Variants in CREB3L2 observed in about 807,000 individuals in gnomAD.
The protein encoded by CREB3L2 is cAMP responsive element binding protein 3 like 2.
CREB3L2 carries 23 observed loss-of-function variants against 57.2 expected under a neutral mutation model. That is an observed-to-expected ratio of 0.40 (90% CI 0.29 to 0.57). The LOEUF is 0.57. Among genes scored for constraint, CREB3L2 ranks in the 20% least tolerant of loss-of-function variants. The pLI is 0.42. For synonymous variants in CREB3L2, 268 were observed against 265.1 expected (o/e 1.01, Z -0.11); for missense variants, 628 against 634.7 (o/e 0.99, Z 0.11).
At chr7:137,905,417 G>A (rs1799864723) in intron 6 of CREB3L2, among the ~76,000 whole-genome samples, 1 of 149,440 alleles carries the variant, frequency 6.7e-6, no homozygotes, top group Non-Finnish European at 1.5e-5. Flanking sequence ...AAAACTAGAT[G>A]GAAATTCTAA....
At chr7:137,941,841 T>C (rs1187114511) in intron 1 of CREB3L2, among the ~76,000 whole-genome samples, 1 of 152,248 alleles carries the variant, frequency 6.6e-6, no homozygotes, top group Admixed American at 6.5e-5. Flanking sequence ...TTGTATTACA[T>C]GCCTCGCTAA....
chr7:137,969,646 C>T (rs763875468), intron 1 of CREB3L2, among the ~76,000 whole-genome samples: 6 of 151,816 alleles, frequency 4.0e-5, no homozygotes, highest in South Asian at 2.1e-4. Context: ...CCACCGCGTC[C>T]GGCCTATGAT....
chr7:137,960,429 G>A (rs1801298592), intron 1 of CREB3L2, among the ~76,000 whole-genome samples: 1 of 152,140 alleles, frequency 6.6e-6, no homozygotes, highest in South Asian at 2.1e-4. Context: ...ACACAGGGGG[G>A]TGGGGAGAGA....
chr7:137,949,577 G>A (rs1801058253), intron 1 of CREB3L2, among the ~76,000 whole-genome samples: 1 of 152,050 alleles, frequency 6.6e-6, no homozygotes, highest in South Asian at 2.1e-4. Flanking sequence ...ACACCCCTTT[G>A]ACCTGGGTAT....
chr7:137,963,096 G>A (rs75529333), intron 1 of CREB3L2, among the ~76,000 whole-genome samples: 2,416 of 152,118 alleles, frequency 0.016, 63 homozygotes, highest in African/African-American at 0.055. Flanking sequence ...CCTCCTTCAC[G>A]TTCCTTCTGG....
rs191403055 is a variant in CREB3L2 at position 137,875,286 on chromosome 7, G to A, written c.*5190C>T. The A allele has an allele frequency of 1.3e-4, 28 of 219,274 alleles. No individual in the cohort carries two copies. In the East Asian group the frequency reaches 1.9e-3, roughly 15 times the overall value. 13.6% of individuals were successfully genotyped at this position (219,274 alleles called of 1,614,324 possible). ...TTGATTATAGCTCAGGGCCTGCTCA[G>A]CATTGTTTAAAAAGGGTCACTCACA... On this transcript the variant is annotated 3_prime_UTR_variant, in exon 12 of 12. Coordinates refer to ENST00000330387, the MANE Select transcript of CREB3L2 (RefSeq NM_194071.4).
chr7:137,995,519 G>C (rs1351942149), intron 1 of CREB3L2, among the ~76,000 whole-genome samples: 2 of 151,704 alleles, frequency 1.3e-5, no homozygotes, highest in African/African-American at 2.4e-5. Flanking sequence ...ATTTTTAGTA[G>C]AGACAGGGTT....
In CREB3L2 at chr7:137,999,379, TACAC is replaced by T. The variant is rs60762009; in HGVS notation, c.102+2221_102+2224del. Among the ~76,000 whole-genome samples, 1,218 of 142,414 alleles carry T rather than the reference TACAC, an allele frequency of 8.6e-3. 11 individuals carry two copies. Among genetic ancestry groups the T allele is most frequent in the South Asian group, 0.03 (128 of 4,232 alleles). The allele number at this position is 142,414 out of a possible 152,430, so 93.4% of individuals were successfully genotyped here. On this transcript the variant is annotated intron_variant, in intron 1 of 11. Transcript: ENST00000330387. ...ATAATGTTTATTGTTTATGTTCCCC[TACAC>T]ACACACACACACACACACACACACA...
rs879219562 is a variant in CREB3L2 at position 137,875,648 on chromosome 7, G to C, written c.*4828C>G. Reference sequence around the variant, plus strand: ...GCTGTAATTCCTGCCCAGAGAACTTGAAAGCTTACAGTGTGCTCACAGGAA... The same window carrying C: ...GCTGTAATTCCTGCCCAGAGAACTTCAAAGCTTACAGTGTGCTCACAGGAA... On this transcript the variant is annotated 3_prime_UTR_variant, in exon 12 of 12. Transcript: ENST00000330387. 1 of 224,638 alleles carries C rather than the reference G, an allele frequency of 4.5e-6. No homozygotes were observed. The highest frequency in any genetic ancestry group is 6.4e-5 in the East Asian group (1 of 15,518). The allele number at this position is 224,638 out of a possible 1,614,324, so 13.9% of individuals were successfully genotyped here.
rs1341056148 is a variant in CREB3L2, at chr7:137,935,740, A to C, written c.103-7374T>G. The C allele has an allele frequency of 5.2e-5, 8 of 152,430 alleles. No homozygotes were observed. In the East Asian group the frequency reaches 1.5e-3, roughly 29 times the overall value. 9.4% of individuals were successfully genotyped at this position (152,430 alleles called of 1,614,324 possible). A position where few individuals can be genotyped will look rare whatever the true frequency, so the allele number is the denominator to read the frequency against. On this transcript the variant is annotated intron_variant, in intron 1 of 11. Coordinates refer to ENST00000330387, the MANE Select transcript of CREB3L2 (RefSeq NM_194071.4). Reference sequence around the variant, plus strand: ...ACGAAATAGAAGATAAATCCAAATTAGGGCTAGATCTCCCAACAGTTATAA... The same window carrying C: ...ACGAAATAGAAGATAAATCCAAATTCGGGCTAGATCTCCCAACAGTTATAA...
chr7:137,879,013 A>G lies in CREB3L2; in HGVS notation c.*1463T>C. 9.5e-6 allele frequency: 4 copies of G among 419,866 alleles called. No individual in the cohort carries two copies. Among genetic ancestry groups the G allele is most frequent in the Non-Finnish European group, 1.8e-5 (4 of 223,316 alleles). The allele number at this position is 419,866 out of a possible 1,614,324, so 26.0% of individuals were successfully genotyped here. ...TTTCAGCTGCTAATAAAAATAAAAT[A>G]CAAACTCTATGCACATTTCCTACAC... is the stretch of plus-strand genomic sequence containing the variant. On this transcript the variant is annotated 3_prime_UTR_variant, in exon 12 of 12. Transcript: ENST00000330387.
At chr7:137,968,951 G>A (rs1031859811) in intron 1 of CREB3L2, among the ~76,000 whole-genome samples, 2 of 152,142 alleles carry the variant, frequency 1.3e-5, no homozygotes, top group South Asian at 2.1e-4. Flanking sequence ...AGAAAGAAAC[G>A]AAGGAGAAGA....
At chr7:137,939,553 T>C (rs1800847289) in intron 1 of CREB3L2, among the ~76,000 whole-genome samples, 1 of 152,126 alleles carries the variant, frequency 6.6e-6, no homozygotes, top group Admixed American at 6.5e-5. Flanking sequence ...TTCAAGAAAC[T>C]CAAACCATCC....
chr7:137,907,854 T>C (rs1799924581), intron 5 of CREB3L2, among the ~76,000 whole-genome samples: 1 of 152,204 alleles, frequency 6.6e-6, no homozygotes, highest in Non-Finnish European at 1.5e-5. Context: ...ATTTTTAAGT[T>C]CACCAAAAAT....
chr7:137,922,630 G>A (rs2117231376), intron 2 of CREB3L2: 1 of 447,482 alleles, frequency 2.2e-6, no homozygotes, highest in Admixed American at 2.4e-5. Context: ...GAACAACACG[G>A]GTTTTGAACC....
chr7:137,931,049 T>C (rs778209097), intron 1 of CREB3L2, among the ~76,000 whole-genome samples: 6 of 150,926 alleles, frequency 4.0e-5, no homozygotes, highest in Non-Finnish European at 7.4e-5. Flanking sequence ...CTGGGCAACA[T>C]AGTGAGACAC....
chr7:137,910,599 C>T (rs75322446), intron 4 of CREB3L2, among the ~76,000 whole-genome samples: 8,062 of 152,062 alleles, frequency 0.053, 446 homozygotes, highest in East Asian at 0.17. Flanking sequence ...GGGAAGCAGA[C>T]GAACCTAATA....
chr7:137,953,503 A>C, intron 1 of CREB3L2: 3 of 1,289,138 alleles, frequency 2.3e-6, no homozygotes, highest in Non-Finnish European at 3.0e-6. Flanking sequence ...TCCCCAACAC[A>C]CGACTCTCCT....
intron 1 of CREB3L2, among the ~76,000 whole-genome samples, chr7:137,938,368 CAG>C (rs1258879174): frequency 1.3e-5 from 2 of 152,116 alleles, no homozygotes; most frequent in African/African-American, 4.8e-5. Flanking sequence ...TTTTTTGAGA[CAG>C]AGTCTCACTC....
Sources: gnomAD v4.1 joint callset for allele counts (sites outside exome capture counted in the v4.1 genomes callset) on GRCh38, gnomAD v4.1.1 for gene constraint, MANE v1.5 for transcripts, NCBI Gene and HGNC (gene_info 2026-07-23, HGNC 2026-07-21) for gene names.